ECPAS: variants seen among roughly 807,000 people sequenced by gnomAD.
The protein encoded by ECPAS is Ecm29 proteasome adaptor and scaffold.
ECPAS carries 70 observed loss-of-function variants against 255.1 expected under a neutral mutation model. The ratio of observed to expected loss-of-function variants is 0.27; its 90% confidence interval spans 0.23 to 0.33. The LOEUF (loss-of-function observed/expected upper bound fraction) is 0.33. Ranked by LOEUF, ECPAS falls within the 10% of genes least tolerant of loss-of-function variation. ECPAS has a pLI of 1.00. For missense variants in ECPAS, 1,817 were observed against 2,206.4 expected (o/e 0.82, Z 3.54); for synonymous variants, 784 against 775.0 (o/e 1.01, Z -0.19).
At chr9:111,423,111 C>T in intron 13 of ECPAS, 88 bp downstream of exon 13, 1 of 920,294 alleles carries the variant, frequency 1.1e-6, no homozygotes, top group Non-Finnish European at 1.7e-6. Context: ...AGAATCACGA[C>T]AAATTTATTC....
intron 8 of ECPAS, among the ~76,000 whole-genome samples, chr9:111,431,737 T>C (rs75098149): frequency 0.01 from 1,553 of 152,328 alleles, 28 homozygotes; most frequent in African/African-American, 0.035. Flanking sequence ...CCTGTGTTTG[T>C]GCAAACACAA....
In ECPAS at chr9:111,423,231, T is replaced by G. The variant is rs753282511; in HGVS notation, c.1233A>C (p.Ser411=). 1 of 1,559,224 alleles carries G rather than the reference T, an allele frequency of 6.4e-7. No homozygotes were observed. The highest frequency in any genetic ancestry group is 8.7e-7 in the Non-Finnish European group (1 of 1,149,944). The change falls in exon 13 of 50, where the codon TCA becomes TCC. Residue 411 remains serine, a synonymous_variant. Coordinates refer to ENST00000684092, the MANE Select transcript of ECPAS (RefSeq NM_001364929.1). ...NEYKEDPKLL[S]MAYSAVGKLS... ...GTTTTCCAACAGCTGAATATGCCATTGACAGTAGTTTAGGGTCCTTGAAAT... is the reference window on the plus strand; with the variant it reads ...GTTTTCCAACAGCTGAATATGCCATGGACAGTAGTTTAGGGTCCTTGAAAT...
chr9:111,387,193 A>G (rs1054992577), intron 31 of ECPAS, among the ~76,000 whole-genome samples: 1 of 151,942 alleles, frequency 6.6e-6, no homozygotes, highest in Non-Finnish European at 1.5e-5. Flanking sequence ...ATTGAGGGAC[A>G]GTGTCTCACT....
chr9:111,415,750 C>T (rs2098202524), intron 18 of ECPAS, among the ~76,000 whole-genome samples: 1 of 150,630 alleles, frequency 6.6e-6, no homozygotes, highest in Non-Finnish European at 1.5e-5. Flanking sequence ...CTTACATAAA[C>T]AGGCTGCCAA....
chr9:111,461,659 C>G lies in ECPAS; in HGVS notation c.23-10104G>C, dbSNP rs151233625. Among the ~76,000 whole-genome samples, 470 of 152,312 alleles carry G rather than the reference C, an allele frequency of 3.1e-3. 3 individuals carry two copies. Among genetic ancestry groups the G allele is most frequent in the African/African-American group, 0.011 (459 of 41,566 alleles). Reference sequence around the variant, plus strand: ...TTTTCAATAAATGGTGTTAAATCAACTGTATTCCAATATGGGAGAACAATA... The same window carrying G: ...TTTTCAATAAATGGTGTTAAATCAAGTGTATTCCAATATGGGAGAACAATA... On this transcript the variant is annotated intron_variant, in intron 2 of 49. Coordinates refer to ENST00000684092, the MANE Select transcript of ECPAS (RefSeq NM_001364929.1).
Position 111,414,493 on chromosome 9 carries a change from A to C in ECPAS, c.1923T>G (p.Ser641Arg). 1 of 1,613,864 alleles carries C rather than the reference A, an allele frequency of 6.2e-7. No individual in the cohort carries two copies. Among genetic ancestry groups the C allele is most frequent in the Middle Eastern group, 1.6e-4 (1 of 6,062 alleles). The part of the protein sequence containing the change: ...GQMAPSSSNK[S>R]GETNPVQIYI... ...AGATCTGGACAGGGTTAGTCTCCCC[A>C]CTCTTGTTAGATGATGAGGGTGCCA... The change falls in exon 19 of 50, where the codon AGT becomes AGG. Residue 641 changes from serine to arginine, a missense_variant. By Grantham distance (110) the Ser-to-Arg change is moderately radical. Around this residue, in one of 4 missense-constraint regions of ECPAS, gnomAD observed 573 missense variants for 716.2 expected, o/e 0.80. Transcript: ENST00000684092.
At chr9:111,410,334 T>C (rs941120869) in intron 22 of ECPAS, 121 bp from the exon 23 acceptor site, 1 of 737,030 alleles carries the variant, frequency 1.4e-6, no homozygotes, top group African/African-American at 1.8e-5. Flanking sequence ...GTACGATATC[T>C]TCTAGTTGAC....
intron 21 of ECPAS, 88 bp downstream of exon 21, chr9:111,411,926 C>T (rs938048706): frequency 1.7e-6 from 2 of 1,193,052 alleles, no homozygotes; most frequent in Non-Finnish European, 1.1e-6. Context: ...GTTCATTTTA[C>T]AAATGAGAAC....
chr9:111,412,733 C>T (rs1172426636), intron 20 of ECPAS, among the ~76,000 whole-genome samples: 2 of 152,104 alleles, frequency 1.3e-5, no homozygotes, highest in African/African-American at 4.8e-5. Flanking sequence ...AGTCAATATT[C>T]ATAAGAAATA....
chr9:111,455,544 T>C (rs985316707), intron 2 of ECPAS, among the ~76,000 whole-genome samples: 7 of 152,208 alleles, frequency 4.6e-5, no homozygotes. Context: ...ATGGCTGATA[T>C]CTGGAAACCT....
chr9:111,461,160 T>C (rs1014372996), intron 2 of ECPAS, among the ~76,000 whole-genome samples: 4 of 152,164 alleles, frequency 2.6e-5, no homozygotes, highest in Admixed American at 2.0e-4. Flanking sequence ...TGGTCAAATT[T>C]CAAGGCTAAC....
intron 34 of ECPAS, among the ~76,000 whole-genome samples, chr9:111,384,018 A>C (rs979954236): frequency 3.9e-5 from 6 of 152,184 alleles, no homozygotes; most frequent in African/African-American, 1.4e-4. Context: ...TCACAGCACA[A>C]TATAGTGGTC....
intron 23 of ECPAS, 50 bp downstream of exon 23, chr9:111,409,991 G>T: frequency 7.4e-7 from 1 of 1,356,496 alleles, no homozygotes; most frequent in Non-Finnish European, 1.0e-6. Flanking sequence ...GCTCATGTAT[G>T]CATAGAAAGA....
chr9:111,478,988 ACT>A (rs886186428), intron 1 of ECPAS, among the ~76,000 whole-genome samples: 2 of 152,134 alleles, frequency 1.3e-5, no homozygotes, highest in Non-Finnish European at 2.9e-5. Flanking sequence ...CATCATACAC[ACT>A]CTGACTATGG....
At chr9:111,430,843 C>T (rs2098228761) in intron 8 of ECPAS, among the ~76,000 whole-genome samples, 1 of 152,166 alleles carries the variant, frequency 6.6e-6, no homozygotes, top group Non-Finnish European at 1.5e-5. Flanking sequence ...TCACTTATCC[C>T]ACCCAGACTC....
intron 12 of ECPAS, among the ~76,000 whole-genome samples, chr9:111,424,166 A>G (rs2098218188): frequency 6.6e-6 from 1 of 152,230 alleles, no homozygotes; most frequent in African/African-American, 2.4e-5. Flanking sequence ...ACTCAATAGG[A>G]GAAAGAAGCT....
intron 12 of ECPAS, 72 bp from the exon 13 acceptor site, chr9:111,423,320 G>A (rs1472554508): frequency 5.6e-6 from 6 of 1,070,156 alleles, no homozygotes; most frequent in Non-Finnish European, 8.3e-6. Context: ...ACAGTAAACA[G>A]TAAAACCTTT....
At chr9:111,448,926 TC>T (rs1407598373) in intron 3 of ECPAS, among the ~76,000 whole-genome samples, 2 of 151,734 alleles carry the variant, frequency 1.3e-5, no homozygotes, top group African/African-American at 4.9e-5. Context: ...CATTTTTGGT[TC>T]TTTTTTTTTA....
intron 23 of ECPAS, 32 bp from the exon 24 acceptor site, chr9:111,408,704 C>CA (rs765676669): frequency 8.6e-6 from 12 of 1,391,100 alleles, no homozygotes; most frequent in Non-Finnish European, 1.1e-5. Context: ...TTCTTTTAAA[C>CA]AGAGTATATA....
Sources: allele counts gnomAD v4.1 joint callset (sites outside exome capture counted in the v4.1 genomes callset), GRCh38; gene constraint gnomAD v4.1.1; regional missense constraint gnomAD v4.1.1; transcripts MANE v1.5; gene names NCBI Gene and HGNC (gene_info 2026-07-23, HGNC 2026-07-21).